The following SNTG1 variants were observed in gnomAD, a reference collection of about 807,000 sequenced individuals.
The protein encoded by SNTG1 is syntrophin gamma 1.
A neutral mutation model predicts 74.7 loss-of-function variants in SNTG1; 39 were observed. The observed-to-expected ratio is 0.52, with a 90% CI of 0.40 to 0.68. SNTG1 has a LOEUF of 0.68. Among genes scored for constraint, SNTG1 ranks in the 30% least tolerant of loss-of-function variants. SNTG1 has a pLI of 0.00. For synonymous variants in SNTG1, 254 were observed against 217.1 expected (o/e 1.17, Z -1.49); for missense variants, 685 against 609.5 (o/e 1.12, Z -1.30).
chr8:50,542,775 T>C (rs1297009454), intron 11 of SNTG1, among the ~76,000 whole-genome samples: 2 of 152,206 alleles, frequency 1.3e-5, no homozygotes, highest in Non-Finnish European at 2.9e-5. Context: ...GTCTTTCATA[T>C]ATAAGCCATT....
rs191609250 is a variant in SNTG1, at chr8:49,947,160, G to A, written c.-103+34929G>A. ...ACTAAAAATACAAAAAATTAGACAGGCATGGCGGCACATGCTTGTAATCCC... is the reference window on the plus strand; with the variant it reads ...ACTAAAAATACAAAAAATTAGACAGACATGGCGGCACATGCTTGTAATCCC... On this transcript the variant is annotated intron_variant, in intron 1 of 18. Transcript: ENST00000642720. 1.2e-4 allele frequency among the ~76,000 whole-genome samples: 18 copies of A among 152,138 alleles called. No homozygotes were observed. In the East Asian group the frequency reaches 3.3e-3, roughly 28 times the overall value.
chr8:50,565,439 C>A (rs866215585), intron 12 of SNTG1, among the ~76,000 whole-genome samples: 3 of 152,098 alleles, frequency 2.0e-5, no homozygotes, highest in Middle Eastern at 3.4e-3. Flanking sequence ...TATATGGCAA[C>A]TCTGTTCTAT....
chr8:50,214,349 G>A (rs1406462328), intron 2 of SNTG1, among the ~76,000 whole-genome samples: 1 of 150,972 alleles, frequency 6.6e-6, no homozygotes, highest in Non-Finnish European at 1.5e-5. Context: ...CATGGCACAT[G>A]TATACATATG....
intron 15 of SNTG1, among the ~76,000 whole-genome samples, chr8:50,675,712 G>A (rs2095306861): frequency 6.6e-6 from 1 of 152,004 alleles, no homozygotes; most frequent in Non-Finnish European, 1.5e-5. Flanking sequence ...GATGTTATCT[G>A]ATTATTTTGG....
intron 15 of SNTG1, among the ~76,000 whole-genome samples, chr8:50,669,759 T>C (rs1172736118): frequency 1.3e-5 from 2 of 152,158 alleles, no homozygotes; most frequent in Non-Finnish European, 2.9e-5. Flanking sequence ...TTTAGACTAA[T>C]ATCCTTGATG....
At chr8:50,480,982 T>G (rs1393885317) in intron 8 of SNTG1, among the ~76,000 whole-genome samples, 2 of 152,216 alleles carry the variant, frequency 1.3e-5, no homozygotes, top group Admixed American at 6.5e-5. Flanking sequence ...TCCTCTTGTA[T>G]ATAAAAAGTA....
chr8:50,428,509 G>T (rs1039766585), intron 4 of SNTG1, among the ~76,000 whole-genome samples: 1 of 152,100 alleles, frequency 6.6e-6, no homozygotes, highest in Admixed American at 6.5e-5. Context: ...TCAATTCTTT[G>T]CAAAGCTAAC....
At chr8:50,089,383 A>G in intron 1 of SNTG1, among the ~76,000 whole-genome samples, 1 of 150,422 alleles carries the variant, frequency 6.6e-6, no homozygotes, top group Non-Finnish European at 1.5e-5. Flanking sequence ...AAGCAATGGC[A>G]ACAAAAGCCA....
intron 17 of SNTG1, among the ~76,000 whole-genome samples, chr8:50,750,340 G>A (rs77620246): frequency 0.015 from 2,288 of 152,072 alleles, 48 homozygotes; most frequent in African/African-American, 0.051. Flanking sequence ...TTCTTCAGAT[G>A]GAACCTACTT....
chr8:50,493,188 C>G (rs892168296), intron 8 of SNTG1, among the ~76,000 whole-genome samples: 1 of 152,106 alleles, frequency 6.6e-6, no homozygotes, highest in Non-Finnish European at 1.5e-5. Flanking sequence ...ATGGTACAAC[C>G]AATTCCAACT....
chr8:49,938,136 C>T (rs1808254089), intron 1 of SNTG1, among the ~76,000 whole-genome samples: 1 of 152,136 alleles, frequency 6.6e-6, no homozygotes, highest in African/African-American at 2.4e-5. Flanking sequence ...CTAATCATTC[C>T]ATGACCTTGA....
chr8:50,066,679 G>T (rs1820926270), intron 1 of SNTG1, among the ~76,000 whole-genome samples: 1 of 152,122 alleles, frequency 6.6e-6, no homozygotes, highest in South Asian at 2.1e-4. Flanking sequence ...TTGTAAATCT[G>T]CAGTGAAGAA....
chr8:50,779,686 ACC>A (rs575804862), intron 18 of SNTG1, among the ~76,000 whole-genome samples: 2,997 of 151,710 alleles, frequency 0.02, 93 homozygotes, highest in African/African-American at 0.065. Flanking sequence ...CTAATCGAAT[ACC>A]CTTTATTTCC....
chr8:50,787,087 T>C (rs1450988865), intron 18 of SNTG1, among the ~76,000 whole-genome samples: 2 of 151,884 alleles, frequency 1.3e-5, no homozygotes, highest in Non-Finnish European at 2.9e-5. Flanking sequence ...ATCATTTATC[T>C]GTTAAGGAGA....
intron 10 of SNTG1, among the ~76,000 whole-genome samples, chr8:50,534,459 A>G (rs576350807): frequency 7.2e-5 from 11 of 152,134 alleles, no homozygotes; most frequent in Non-Finnish European, 1.3e-4. Flanking sequence ...ATGTTCCCTC[A>G]TGAAGAAAAG....
intron 1 of SNTG1, among the ~76,000 whole-genome samples, chr8:49,953,816 G>A (rs372474503): frequency 6.6e-6 from 1 of 151,998 alleles, no homozygotes; most frequent in African/African-American, 2.4e-5. Context: ...TGCAGATTCC[G>A]TTTGCTTATT....
intron 2 of SNTG1, among the ~76,000 whole-genome samples, chr8:50,216,006 C>T (rs1004643375): frequency 2.0e-5 from 3 of 152,032 alleles, no homozygotes; most frequent in African/African-American, 4.8e-5. Flanking sequence ...TACAGAAAGC[C>T]AGAGAGTGTC....
At chr8:50,316,901 T>A (rs1357745769) in intron 2 of SNTG1, among the ~76,000 whole-genome samples, 2 of 152,154 alleles carry the variant, frequency 1.3e-5, no homozygotes, top group South Asian at 2.1e-4. Flanking sequence ...TTTAAAAAAA[T>A]TTATAGAGAT....
At chr8:50,390,835 G>C (rs1317036648) in intron 2 of SNTG1, among the ~76,000 whole-genome samples, 2 of 152,158 alleles carry the variant, frequency 1.3e-5, no homozygotes, top group Non-Finnish European at 2.9e-5. Flanking sequence ...TGAAGCAATT[G>C]TGAATGGGAA....
Sources: allele counts gnomAD v4.1 joint callset (sites outside exome capture counted in the v4.1 genomes callset), GRCh38; gene constraint gnomAD v4.1.1; transcripts MANE v1.5; gene names NCBI Gene and HGNC (gene_info 2026-07-23, HGNC 2026-07-21).